ZFHX3: variants seen among roughly 807,000 people sequenced by gnomAD.
ZFHX3 encodes zinc finger homeobox 3.
In ZFHX3, 42 loss-of-function variants were observed where a neutral mutation model predicts 279.1. The observed-to-expected ratio is 0.15, with a 90% CI of 0.12 to 0.19. The LOEUF is 0.19. Among genes scored for constraint, ZFHX3 ranks in the 10% least tolerant of loss-of-function variants. ZFHX3 has a pLI of 1.00. For missense variants in ZFHX3, 4,981 were observed against 4,754.0 expected (o/e 1.05, Z -1.40); for synonymous variants, 2,293 against 1,957.8 (o/e 1.17, Z -4.52).
chr16:73,057,065 G>A (rs1597140498), intron 1 of ZFHX3, among the ~76,000 whole-genome samples: 1 of 152,042 alleles, frequency 6.6e-6, no homozygotes, highest in East Asian at 1.9e-4. Context: ...TAGAACTGGA[G>A]GCCAGAAAAA....
intron 2 of ZFHX3, among the ~76,000 whole-genome samples, chr16:73,460,612 T>C (rs1232209450): frequency 2.6e-5 from 4 of 152,220 alleles, no homozygotes; most frequent in Non-Finnish European, 5.9e-5. Context: ...TATAAGTCAC[T>C]TGATTTTTCT....
intron 7 of ZFHX3, among the ~76,000 whole-genome samples, chr16:73,096,324 G>T (rs755736978): frequency 6.6e-6 from 1 of 151,500 alleles, no homozygotes; most frequent in Non-Finnish European, 1.5e-5. Flanking sequence ...CATCTCGTAG[G>T]CGCTCTTACA....
chr16:73,007,598 C>G (rs1048887008), intron 1 of ZFHX3, among the ~76,000 whole-genome samples: 2 of 152,078 alleles, frequency 1.3e-5, no homozygotes, highest in Non-Finnish European at 2.9e-5. Context: ...GGGTGCCCAC[C>G]ACCGCACCCG....
chr16:73,248,167 G>A (rs890684544), intron 5 of ZFHX3, among the ~76,000 whole-genome samples: 4 of 151,692 alleles, frequency 2.6e-5, no homozygotes, highest in Admixed American at 6.6e-5. Flanking sequence ...GCCTGTATGT[G>A]GAGTGTGTGT....
intron 4 of ZFHX3, among the ~76,000 whole-genome samples, chr16:72,846,445 C>A (rs546034560): frequency 7.7e-6 from 1 of 130,128 alleles, no homozygotes; most frequent in African/African-American, 3.0e-5. Flanking sequence ...GGGCAGCATC[C>A]TGTAGGCCTT....
At chr16:73,412,504 TCCCTC>T (rs60800321) in intron 3 of ZFHX3, among the ~76,000 whole-genome samples, 130,383 of 150,356 alleles carry the variant, frequency 0.87, 56,765 homozygotes, top group African/African-American at 0.92. Flanking sequence ...AGTAGACAAC[TCCCTC>T]CCCTCCCCTC....
At chr16:73,380,255 A>G (rs1425079322) in intron 3 of ZFHX3, among the ~76,000 whole-genome samples, 1 of 152,240 alleles carries the variant, frequency 6.6e-6, no homozygotes, top group Non-Finnish European at 1.5e-5. Flanking sequence ...AGCTTAAAAT[A>G]CAAGATTTTA....
chr16:72,818,741 A>G (rs1424305755), intron 5 of ZFHX3, among the ~76,000 whole-genome samples: 1 of 152,214 alleles, frequency 6.6e-6, no homozygotes. Context: ...AGCCTGGTGA[A>G]GTTAAGAACC....
intron 2 of ZFHX3, among the ~76,000 whole-genome samples, chr16:73,540,532 T>A (rs572515653): frequency 6.6e-6 from 1 of 152,112 alleles, no homozygotes; most frequent in Non-Finnish European, 1.5e-5. Context: ...ATCATTTGAG[T>A]AGAAGTAAAA....
At chr16:73,172,751 T>C (rs1236347074) in intron 5 of ZFHX3, among the ~76,000 whole-genome samples, 1 of 152,180 alleles carries the variant, frequency 6.6e-6, no homozygotes, top group African/African-American at 2.4e-5. Flanking sequence ...ACACATATCA[T>C]TAGCTTGGAC....
At chr16:72,821,328 A>G (rs2036785434) in intron 5 of ZFHX3, among the ~76,000 whole-genome samples, 1 of 152,228 alleles carries the variant, frequency 6.6e-6, no homozygotes, top group African/African-American at 2.4e-5. Context: ...AGATTTAAGC[A>G]CTACAAAGAC....
chr16:73,045,664 T>C (rs1048976445), intron 1 of ZFHX3, among the ~76,000 whole-genome samples: 1 of 147,726 alleles, frequency 6.8e-6, no homozygotes. Flanking sequence ...TTATTATTAT[T>C]ATTATTATTA....
intron 4 of ZFHX3, among the ~76,000 whole-genome samples, chr16:72,847,163 T>C (rs1034742070): frequency 2.6e-5 from 4 of 152,216 alleles, no homozygotes; most frequent in Admixed American, 2.0e-4. Context: ...TTAAAAGCCA[T>C]AGAAAACTAT....
intron 7 of ZFHX3, chr16:72,807,585 T>A (rs1237317812): frequency 6.6e-6 from 1 of 152,188 alleles, no homozygotes; most frequent in Admixed American, 6.5e-5. Context: ...CAAAACGCAC[T>A]CCATTTACAA....
In ZFHX3 at chr16:72,811,604, A is replaced by C; in HGVS notation, c.3837T>G (p.Pro1279=). 6 of 1,605,668 alleles carry C rather than the reference A, an allele frequency of 3.7e-6. No homozygotes were observed. The highest frequency in any genetic ancestry group is 5.1e-6 in the Non-Finnish European group (6 of 1,174,622). Residue 1279 remains proline (P), a synonymous_variant, in exon 7 of 10, where the codon CCT becomes CCG. Coordinates refer to ENST00000268489, the MANE Select transcript of ZFHX3 (RefSeq NM_006885.4). The part of the protein sequence containing the change: ...LHLTHLHSVA[P]DCVEKLIMTV... ...TCATAATGAGCTTCTCCACGCAGTC[A>C]GGTGCCACGCTGTGGAGGTGGGTGA...
At chr16:73,036,854 G>A (rs1014800599) in intron 1 of ZFHX3, among the ~76,000 whole-genome samples, 6 of 152,182 alleles carry the variant, frequency 3.9e-5, no homozygotes, top group Non-Finnish European at 5.9e-5. Flanking sequence ...GCAGATGGCC[G>A]TGGCCTACTC....
chr16:73,394,697 G>A (rs544290833), intron 3 of ZFHX3, among the ~76,000 whole-genome samples: 1 of 152,234 alleles, frequency 6.6e-6, no homozygotes, highest in Admixed American at 6.5e-5. Flanking sequence ...ATAAAAACTG[G>A]TATGGTAAAT....
rs113010649 is a variant in ZFHX3, at chr16:73,240,021, TTGTGTGTG to T, written c.-1104+17018_-1104+17025del. Among the ~76,000 whole-genome samples, 460 of 147,042 alleles carry T rather than the reference TTGTGTGTG, an allele frequency of 3.1e-3. 1 individual carries two copies. Among genetic ancestry groups the T allele is most frequent in the African/African-American group, 4.5e-3 (182 of 40,176 alleles). On this transcript the variant is annotated intron_variant, in intron 5 of 17. Coordinates refer to the ZFHX3 transcript ENST00000641206. ...CTGTTGAAGATTTAAGAACCTTATTTTGTGTGTGTGTGTGTGTGTGTGTGTGTGTGTAT... is the reference window on the plus strand; with the variant it reads ...CTGTTGAAGATTTAAGAACCTTATTTTGTGTGTGTGTGTGTGTGTGTGTAT...
intron 1 of ZFHX3, among the ~76,000 whole-genome samples, chr16:73,003,579 G>A (rs1049164279): frequency 2.0e-5 from 3 of 149,986 alleles, no homozygotes; most frequent in African/African-American, 7.4e-5. Context: ...GATGGCGGGC[G>A]CCTGTAGTCC....
Sources: allele counts gnomAD v4.1 joint callset (sites outside exome capture counted in the v4.1 genomes callset), GRCh38; gene constraint gnomAD v4.1.1; transcripts MANE v1.5; gene names NCBI Gene and HGNC (gene_info 2026-07-23, HGNC 2026-07-21).